PRKAG2: variants seen among roughly 807,000 people sequenced by gnomAD.
The protein encoded by PRKAG2 is 5'-AMP-activated protein kinase subunit gamma-2.
PRKAG2 carries 26 observed loss-of-function variants against 69.6 expected under a neutral mutation model. The observed-to-expected ratio is 0.37, with a 90% CI of 0.27 to 0.52. The LOEUF (loss-of-function observed/expected upper bound fraction) is 0.52. PRKAG2 is among the 20% of genes least tolerant of loss of function. The probability of loss-of-function intolerance (pLI) is 0.90; values close to 1 mark genes in which losing one functional copy is unlikely to be tolerated. For missense variants in PRKAG2, 557 were observed against 740.0 expected, an observed-to-expected ratio of 0.75 and a Z score of 2.87; for synonymous variants, 293 against 285.0, an observed-to-expected ratio of 1.03 and a Z score of -0.28.
At chr7:151,645,734 T>C (rs1827453095) in intron 4 of PRKAG2, among the ~76,000 whole-genome samples, 1 of 152,224 alleles carries the variant, frequency 6.6e-6, no homozygotes. Flanking sequence ...CTATTTATTA[T>C]ATTATGACTC....
intron 1 of PRKAG2, among the ~76,000 whole-genome samples, chr7:151,859,715 C>T (rs2079871187): frequency 6.6e-6 from 1 of 152,174 alleles, no homozygotes; most frequent in African/African-American, 2.4e-5. Context: ...CTTCAGCTCC[C>T]CTTCTGCTCT....
intron 3 of PRKAG2, among the ~76,000 whole-genome samples, chr7:151,745,722 C>T (rs563097481): frequency 1.6e-4 from 24 of 152,264 alleles, no homozygotes; most frequent in Non-Finnish European, 2.5e-4. Flanking sequence ...AGGTGAAAAA[C>T]GATAGCAATA....
At chr7:151,733,257 G>A (rs993021365) in intron 3 of PRKAG2, among the ~76,000 whole-genome samples, 42 of 152,216 alleles carry the variant, frequency 2.8e-4, no homozygotes, top group Admixed American at 6.5e-5. Context: ...CCACTAAGAG[G>A]AGCCTTAGCC....
chr7:151,757,506 CACAA>C (rs1288063435), intron 3 of PRKAG2, among the ~76,000 whole-genome samples: 2 of 152,214 alleles, frequency 1.3e-5, no homozygotes, highest in Non-Finnish European at 2.9e-5. Flanking sequence ...CGGATTCAAC[CACAA>C]ACAGAGAAAA....
At position 151,583,679 on chromosome 7, in the gene PRKAG2, C is replaced by T. The variant is rs75648523; in HGVS notation, c.865-7227G>A. 0.023 allele frequency among the ~76,000 whole-genome samples: 3,479 copies of T among 152,218 alleles called. 143 individuals are homozygous for T. Among genetic ancestry groups the T allele is most frequent in the African/African-American group, 0.079 (3,276 of 41,514 alleles). ...CTAGTTCTAATTTGCAGGAAGAAACCGCTCAGGGATCTTGAGTACCTTTGA... is the reference window on the plus strand; with the variant it reads ...CTAGTTCTAATTTGCAGGAAGAAACTGCTCAGGGATCTTGAGTACCTTTGA... On this transcript the variant is annotated intron_variant, in intron 6 of 15. Transcript: ENST00000287878. This position sits in a 1 kb window ranked among gnomAD's most constrained non-coding sequence, Gnocchi z 4.1.
intron 5 of PRKAG2, among the ~76,000 whole-genome samples, chr7:151,617,551 G>C (rs1249688331): frequency 6.6e-6 from 1 of 152,048 alleles, no homozygotes; most frequent in African/African-American, 2.4e-5. Flanking sequence ...ATCATCTTAT[G>C]CAAGGACATT....
At chr7:151,868,638 G>C (rs180788304) in intron 1 of PRKAG2, among the ~76,000 whole-genome samples, 1 of 152,210 alleles carries the variant, frequency 6.6e-6, no homozygotes, top group Non-Finnish European at 1.5e-5. Flanking sequence ...GTGCTTCATC[G>C]GTGATCACGT....
chr7:151,861,242 AC>A (rs1332520373), intron 1 of PRKAG2, among the ~76,000 whole-genome samples: 5 of 152,136 alleles, frequency 3.3e-5, no homozygotes, highest in African/African-American at 4.8e-5. Flanking sequence ...TCAAAGAATC[AC>A]CTGCAGGACG....
intron 15 of PRKAG2, 165 bp from the exon 16 acceptor site, chr7:151,557,397 C>T: frequency 1.0e-6 from 1 of 985,300 alleles, no homozygotes; most frequent in Non-Finnish European, 1.2e-6. Context: ...CCATCTCCCA[C>T]CCAATCGTTC....
chr7:151,608,578 G>C (rs1228512885), intron 5 of PRKAG2, among the ~76,000 whole-genome samples: 2 of 152,124 alleles, frequency 1.3e-5, no homozygotes, highest in African/African-American at 4.8e-5. Context: ...CTGGTATCTT[G>C]CAAGTCACTG....
At position 151,835,288 on chromosome 7, in the gene PRKAG2, G is replaced by T. The variant is rs1481445277; in HGVS notation, c.114+41219C>A. On this transcript the variant is annotated intron_variant, in intron 1 of 15. Transcript: ENST00000287878. This position sits in a 1 kb window ranked among gnomAD's most constrained non-coding sequence, Gnocchi z 4.1. Reference sequence around the variant, plus strand: ...GGAGTGCCATGACACACACGATCTTGGCTCACTGCAGCCTTGACCTCCTGG... The same window carrying T: ...GGAGTGCCATGACACACACGATCTTTGCTCACTGCAGCCTTGACCTCCTGG... Among the ~76,000 whole-genome samples, 1 of 152,066 alleles carries T rather than the reference G, an allele frequency of 6.6e-6. No individual in the cohort carries two copies.
chr7:151,574,058 C>T (rs985385276), intron 8 of PRKAG2, among the ~76,000 whole-genome samples: 1 of 152,162 alleles, frequency 6.6e-6, no homozygotes, highest in East Asian at 1.9e-4. Flanking sequence ...GGATTACAGG[C>T]GTGAGCCACT....
intron 2 of PRKAG2, among the ~76,000 whole-genome samples, chr7:151,782,901 G>C (rs1286653254): frequency 1.3e-5 from 2 of 152,248 alleles, no homozygotes; most frequent in Non-Finnish European, 2.9e-5. Flanking sequence ...GAAGCAAGAA[G>C]GGCGAGTAAC....
intron 6 of PRKAG2, among the ~76,000 whole-genome samples, chr7:151,580,874 G>A (rs899286039): frequency 2.0e-5 from 3 of 152,036 alleles, no homozygotes; most frequent in South Asian, 4.2e-4. Context: ...GAATGAATAC[G>A]GTCTAGTATT....
intron 4 of PRKAG2, among the ~76,000 whole-genome samples, chr7:151,654,631 C>G (rs1829120982): frequency 6.6e-6 from 1 of 152,156 alleles, no homozygotes. Context: ...GAGAAAGTGC[C>G]AGAGACAGTA....
intron 1 of PRKAG2, among the ~76,000 whole-genome samples, chr7:151,817,716 C>T (rs1218614546): frequency 1.1e-4 from 17 of 152,192 alleles, no homozygotes; most frequent in Admixed American, 7.2e-4. Context: ...TTTTACATAT[C>T]CTCTCTCAAC....
chr7:151,640,495 A>T (rs1826492411), intron 4 of PRKAG2, among the ~76,000 whole-genome samples: 1 of 152,148 alleles, frequency 6.6e-6, no homozygotes, highest in African/African-American at 2.4e-5. Flanking sequence ...TTGTCCTGGA[A>T]TAGACCATAC....
At chr7:151,858,233 C>T (rs933406806) in intron 1 of PRKAG2, among the ~76,000 whole-genome samples, 1 of 152,094 alleles carries the variant, frequency 6.6e-6, no homozygotes, top group Admixed American at 6.5e-5. Flanking sequence ...CGTGCCTACC[C>T]CTCCCCTCCC....
chr7:151,784,333 G>A (rs576726944), intron 2 of PRKAG2, among the ~76,000 whole-genome samples: 2 of 152,192 alleles, frequency 1.3e-5, no homozygotes. Flanking sequence ...AGAGGGCCGA[G>A]CCAATGCAAA....
Sources: allele counts gnomAD v4.1 joint callset (sites outside exome capture counted in the v4.1 genomes callset), GRCh38; gene constraint gnomAD v4.1.1; non-coding constraint Gnocchi (gnomAD v3.1); transcripts MANE v1.5; gene names NCBI Gene and HGNC (gene_info 2026-07-23, HGNC 2026-07-21).